The following GNG7 variants were observed in gnomAD, a reference collection of about 807,000 sequenced individuals.
GNG7 encodes G protein subunit gamma 7, also known as guanine nucleotide-binding protein G(I)/G(S)/G(O) subunit gamma-7.
In GNG7, 1 loss-of-function variant was observed where a neutral mutation model predicts 4.0. That is an observed-to-expected ratio of 0.25 (90% CI 0.09 to 1.18). The LOEUF is 1.18. Among genes scored for constraint, GNG7 ranks in the 50% most tolerant of loss-of-function variants. GNG7 has a pLI of 0.50. For synonymous variants in GNG7, 34 were observed against 36.9 expected (o/e 0.92, Z 0.29); for missense variants, 86 against 91.9 (o/e 0.94, Z 0.26).
At chr19:2,663,688 A>C (rs1285491532) in intron 1 of GNG7, among the ~76,000 whole-genome samples, 1 of 152,188 alleles carries the variant, frequency 6.6e-6, no homozygotes, top group Middle Eastern at 3.2e-3. Context: ...ACATTCACTG[A>C]GGGCAAATCA....
chr19:2,531,303 C>CAAAAAAAAAAAAAAA (rs58133235), intron 3 of GNG7, among the ~76,000 whole-genome samples: 1 of 95,074 alleles, frequency 1.1e-5, no homozygotes, highest in Admixed American at 1.2e-4. Flanking sequence ...GATTCCGTCT[C>CAAAAAAAAAAAAAAA]AAAAAAAAAA....
rs954364379 is a variant in GNG7, at chr19:2,512,338, C to G, written c.*2684G>C. 3 of 985,464 alleles carry G rather than the reference C, an allele frequency of 3.0e-6. No homozygotes were observed. The African/African-American group carries it at 5.3e-5, about 17-fold the overall frequency. 61.0% of individuals were successfully genotyped at this position (985,464 alleles called of 1,614,324 possible). ...AAAGGTATTTTCCACAGTGTGGTCA[C>G]TGAAGTCTACTCAAGAAAAAAAAAA... On this transcript the variant is annotated 3_prime_UTR_variant, in exon 5 of 5. Coordinates refer to ENST00000382159, the MANE Select transcript of GNG7 (RefSeq NM_052847.3). This position sits in a 1 kb window ranked among gnomAD's most constrained non-coding sequence, Gnocchi z 4.7.
chr19:2,529,759 G>A (rs1200546573), intron 3 of GNG7, among the ~76,000 whole-genome samples: 3 of 152,186 alleles, frequency 2.0e-5, no homozygotes, highest in Non-Finnish European at 4.4e-5. Flanking sequence ...CAGGTTTCAG[G>A]GAGAGGTGAG....
rs985229797 is a variant in GNG7 at position 2,570,488 on chromosome 19, C to T, written c.-77-15300G>A. 7.9e-5 allele frequency among the ~76,000 whole-genome samples: 12 copies of T among 152,260 alleles called. No individual in the cohort carries two copies. In the East Asian group the frequency reaches 9.7e-4, roughly 12 times the overall value. ...CACATGTGGATGGGGCCCGTGTTCA[C>T]TGGGGAAGTGGCATCTGCAAACCTC... On this transcript the variant is annotated intron_variant, in intron 2 of 4. Transcript: ENST00000382159.
At chr19:2,655,536 C>T (rs1982943900) in intron 1 of GNG7, among the ~76,000 whole-genome samples, 1 of 150,834 alleles carries the variant, frequency 6.6e-6, no homozygotes, top group Admixed American at 6.6e-5. Flanking sequence ...AACTCTGTCT[C>T]TACTAAAAAT....
At chr19:2,568,598 T>C (rs1980030218) in intron 2 of GNG7, among the ~76,000 whole-genome samples, 1 of 149,696 alleles carries the variant, frequency 6.7e-6, no homozygotes, top group Non-Finnish European at 1.5e-5. Context: ...CACACATATA[T>C]AGACATACAC....
At chr19:2,590,973 A>C (rs965046045) in intron 2 of GNG7, among the ~76,000 whole-genome samples, 4 of 152,190 alleles carry the variant, frequency 2.6e-5, no homozygotes, top group African/African-American at 9.7e-5. Context: ...ACATACTAGA[A>C]ATGGTAGAAT....
At chr19:2,667,248 G>A (rs977460632) in intron 1 of GNG7, among the ~76,000 whole-genome samples, 2 of 152,158 alleles carry the variant, frequency 1.3e-5, no homozygotes, top group African/African-American at 4.8e-5. Flanking sequence ...CTTGAACCCG[G>A]GAGGCGGAGG....
At chr19:2,524,518 G>A (rs763795290) in intron 3 of GNG7, among the ~76,000 whole-genome samples, 1 of 151,544 alleles carries the variant, frequency 6.6e-6, no homozygotes, top group Non-Finnish European at 1.5e-5. Flanking sequence ...GCATATATGC[G>A]TGTGTGCACA....
At chr19:2,594,402 G>A (rs992410676) in intron 2 of GNG7, among the ~76,000 whole-genome samples, 77 of 89,158 alleles carry the variant, frequency 8.6e-4, no homozygotes, top group African/African-American at 2.6e-3. Flanking sequence ...AAAGAAAGAA[G>A]GAGGGAAGGA....
At chr19:2,585,846 A>G (rs907601303) in intron 2 of GNG7, among the ~76,000 whole-genome samples, 27 of 151,870 alleles carry the variant, frequency 1.8e-4, no homozygotes, top group Admixed American at 1.0e-3. Context: ...GATTACAGGC[A>G]CCCGCCACCA....
intron 2 of GNG7, among the ~76,000 whole-genome samples, chr19:2,568,994 T>C (rs1314840006): frequency 6.6e-6 from 1 of 151,262 alleles, no homozygotes; most frequent in Non-Finnish European, 1.5e-5. Flanking sequence ...CATACACATA[T>C]TTACACACAT....
At chr19:2,660,777 G>A (rs913421777) in intron 1 of GNG7, among the ~76,000 whole-genome samples, 1 of 152,034 alleles carries the variant, frequency 6.6e-6, no homozygotes, top group Non-Finnish European at 1.5e-5. Flanking sequence ...GGCAATGGAG[G>A]AAGACCCTGT....
chr19:2,559,090 G>A (rs570422681), intron 2 of GNG7, among the ~76,000 whole-genome samples: 15 of 151,916 alleles, frequency 9.9e-5, no homozygotes, highest in African/African-American at 3.6e-4. Flanking sequence ...GTGAGCCATC[G>A]CGCCCAGCCA....
intron 2 of GNG7, among the ~76,000 whole-genome samples, chr19:2,596,390 C>T (rs549776543): frequency 1.3e-5 from 2 of 151,914 alleles, no homozygotes; most frequent in Admixed American, 1.3e-4. Flanking sequence ...TAGGCAGGCC[C>T]AGCGCGGGGC....
chr19:2,641,689 A>C (rs1982511795), intron 2 of GNG7: 1 of 151,134 alleles, frequency 6.6e-6, no homozygotes, highest in Non-Finnish European at 1.5e-5. Context: ...TTTGAGATGG[A>C]GTCTCACTCT....
rs369666022 is a variant in GNG7 at position 2,529,514 on chromosome 19, G to A, written c.-37-8789C>T. 2.7e-3 allele frequency among the ~76,000 whole-genome samples: 409 copies of A among 152,280 alleles called. 4 individuals carry two copies. Among genetic ancestry groups the A allele is most frequent in the African/African-American group, 9.3e-3 (385 of 41,550 alleles). On this transcript the variant is annotated intron_variant, in intron 3 of 4. Coordinates refer to ENST00000382159, the MANE Select transcript of GNG7 (RefSeq NM_052847.3). ...ATGACAGGCGTGAGCCACCACGCCC[G>A]GCCCATTTTTGTGTTGTTGAACTTA... is the stretch of plus-strand genomic sequence containing the variant.
At chr19:2,696,582 G>A (rs1189166218) in intron 1 of GNG7, among the ~76,000 whole-genome samples, 2 of 152,228 alleles carry the variant, frequency 1.3e-5, no homozygotes, top group African/African-American at 4.8e-5. Context: ...CTGAATGGAT[G>A]GATGAGCACA....
intron 3 of GNG7, among the ~76,000 whole-genome samples, chr19:2,524,708 G>A (rs1978338320): frequency 6.6e-6 from 1 of 152,208 alleles, no homozygotes; most frequent in Non-Finnish European, 1.5e-5. Flanking sequence ...GTGCATGTGT[G>A]TGGACATGCA....
Sources: allele counts gnomAD v4.1 joint callset (sites outside exome capture counted in the v4.1 genomes callset), GRCh38; gene constraint gnomAD v4.1.1; non-coding constraint Gnocchi (gnomAD v3.1); transcripts MANE v1.5; gene names NCBI Gene and HGNC (gene_info 2026-07-23, HGNC 2026-07-21).